Variants in ADAMTS15 observed in about 807,000 individuals in gnomAD.
ADAMTS15 encodes ADAM metallopeptidase with thrombospondin type 1 motif 15, also known as A disintegrin and metalloproteinase with thrombospondin motifs 15.
ADAMTS15 carries 35 observed loss-of-function variants against 79.1 expected under a neutral mutation model. The observed-to-expected ratio is 0.44, with a 90% CI of 0.34 to 0.59. The LOEUF (loss-of-function observed/expected upper bound fraction) is 0.59. ADAMTS15 is among the 20% of genes least tolerant of loss of function. ADAMTS15 has a pLI of 0.02. For missense variants in ADAMTS15, 1,324 were observed against 1,318.7 expected (o/e 1.00, Z -0.06); for synonymous variants, 616 against 567.3 (o/e 1.09, Z -1.22).
In ADAMTS15 at chr11:130,449,479, ACCCCAC is replaced by A; in HGVS notation, c.508_513del (p.Pro170_Thr171del). The A allele has an allele frequency of 1.3e-6, 2 of 1,561,362 alleles. No individual in the cohort carries two copies. Among genetic ancestry groups the A allele is most frequent in the Non-Finnish European group, 1.7e-6 (2 of 1,156,846 alleles). Reference sequence around the variant, plus strand: ...GGTGTTCCGGGCGGGCCTTCCGGAGACCCCACCTCTCGCTGCGGGGTGGCCTCGGGC... The same window carrying A: ...GGTGTTCCGGGCGGGCCTTCCGGAGACTCTCGCTGCGGGGTGGCCTCGGGC... On this transcript the variant is annotated inframe_deletion, in exon 1 of 8. Coordinates refer to ENST00000299164, the MANE Select transcript of ADAMTS15 (RefSeq NM_139055.4). The surrounding 1 kb of genome is among the most constrained non-coding windows in gnomAD (Gnocchi z 7.8).
intron 2 of ADAMTS15, 142 bp from the exon 3 acceptor site, chr11:130,461,945 A>G: frequency 9.9e-7 from 1 of 1,007,070 alleles, no homozygotes. Context: ...TCTTGAGGAC[A>G]TTTGAAAGCA....
Position 130,449,449 on chromosome 11 carries a change from G to C in ADAMTS15, c.476G>C (p.Arg159Pro). The change falls in exon 1 of 8, where the codon CGC (arginine) becomes CCC (proline). Residue 159 changes from arginine to proline, a missense_variant. By Grantham distance (103) the Arg-to-Pro change is moderately radical. Transcript: ENST00000299164. This position sits in a 1 kb window ranked among gnomAD's most constrained non-coding sequence, Gnocchi z 7.8. Reference protein sequence around the residue: ...RNSQGAHLLQRRGVPGGPSGD... With the variant: ...RNSQGAHLLQPRGVPGGPSGD... ...AGCCAGGGCGCACACCTTCTCCAGC[G>C]CCGGGGTGTTCCGGGCGGGCCTTCC... The C allele has an allele frequency of 6.3e-7, 1 of 1,583,644 alleles. No homozygotes were observed. The highest frequency in any genetic ancestry group is 8.6e-7 in the Non-Finnish European group (1 of 1,168,496).
In ADAMTS15 at chr11:130,473,234, C is replaced by T; in HGVS notation, c.2266C>T (p.Leu756=). ...GCGGGACCTGGTGGTGAAGGGCAGT[C>T]TGCTGCGGTACAGCGGCACGGGCAC... ...VERDLVVKGS[L]LRYSGTGTAV... Residue 756 remains leucine, a synonymous_variant, in exon 8 of 8, where the codon CTG becomes TTG. Coordinates refer to ENST00000299164, the MANE Select transcript of ADAMTS15 (RefSeq NM_139055.4). The T allele has an allele frequency of 1.2e-6, 2 of 1,613,758 alleles. No individual in the cohort carries two copies. The highest frequency in any genetic ancestry group is 2.7e-5 in the African/African-American group (2 of 75,080).
At chr11:130,450,118 C>A (rs937460740) in intron 1 of ADAMTS15, 188 bp downstream of exon 1, 1 of 985,352 alleles carries the variant, frequency 1.0e-6, no homozygotes, top group Admixed American at 6.1e-5. Flanking sequence ...CGGCGGCTCA[C>A]GTGCATCTGG....
chr11:130,452,705 G>A (rs1014131910), intron 1 of ADAMTS15, among the ~76,000 whole-genome samples: 18 of 152,196 alleles, frequency 1.2e-4, no homozygotes, highest in Admixed American at 3.3e-4. Context: ...GGCCTTGGCC[G>A]GGCGCAGTGG....
intron 4 of ADAMTS15, among the ~76,000 whole-genome samples, chr11:130,466,249 T>C (rs949343148): frequency 6.6e-6 from 1 of 152,178 alleles, no homozygotes; most frequent in African/African-American, 2.4e-5. Context: ...CTCAATCTCT[T>C]CGCTGATTCA....
chr11:130,459,889 T>G (rs1018286026), intron 1 of ADAMTS15, among the ~76,000 whole-genome samples: 3 of 152,258 alleles, frequency 2.0e-5, no homozygotes, highest in Non-Finnish European at 4.4e-5. Context: ...GCTGCCCACC[T>G]TCGCCCCTTG....
At chr11:130,450,384 G>C (rs1177509686) in intron 1 of ADAMTS15, 1 of 985,376 alleles carries the variant, frequency 1.0e-6, no homozygotes, top group Non-Finnish European at 1.2e-6. Context: ...AACTGAAGGT[G>C]ATCCAAGGTC....
intron 4 of ADAMTS15, among the ~76,000 whole-genome samples, chr11:130,466,949 T>G (rs1479501537): frequency 6.6e-6 from 1 of 151,948 alleles, no homozygotes; most frequent in African/African-American, 2.4e-5. Context: ...CCTTCCCAAC[T>G]CCTCCCTACC....
rs1299006047 is a variant in ADAMTS15 at position 130,449,633 on chromosome 11, G to A, written c.660G>A (p.Val220=). ...AKRFVSIPRY[V]ETLVVADESM... is the part of the protein sequence containing the mutation. Reference sequence around the variant, plus strand: ...GTTTCGTGTCTATCCCGCGGTACGTGGAGACGCTGGTGGTCGCGGACGAGT... The same window carrying A: ...GTTTCGTGTCTATCCCGCGGTACGTAGAGACGCTGGTGGTCGCGGACGAGT... Residue 220 remains valine, a synonymous_variant, in exon 1 of 8, where the codon GTG becomes GTA. Coordinates refer to ENST00000299164, the MANE Select transcript of ADAMTS15 (RefSeq NM_139055.4). The surrounding 1 kb of genome is among the most constrained non-coding windows in gnomAD (Gnocchi z 7.8). 1 of 1,602,894 alleles carries A rather than the reference G, an allele frequency of 6.2e-7. No homozygotes were observed. Among genetic ancestry groups the A allele is most frequent in the South Asian group, 1.1e-5 (1 of 89,492 alleles).
At chr11:130,450,394 C>G (rs1235934653) in intron 1 of ADAMTS15, 1 of 985,448 alleles carries the variant, frequency 1.0e-6, no homozygotes, top group Non-Finnish European at 1.2e-6. Flanking sequence ...GATCCAAGGT[C>G]AGCGCTTGCT....
intron 5 of ADAMTS15, 152 bp from the exon 6 acceptor site, chr11:130,470,768 G>T (rs1938432654): frequency 4.6e-6 from 4 of 866,814 alleles, no homozygotes; most frequent in Non-Finnish European, 7.2e-6. Context: ...GGCCCAGCCT[G>T]CTTTAGTGCT....
In ADAMTS15 at chr11:130,476,519, C is replaced by G. The variant is rs1205260811; in HGVS notation, c.*2698C>G. 2.6e-5 allele frequency: 4 copies of G among 152,434 alleles called. No homozygotes were observed. The highest frequency in any genetic ancestry group is 9.7e-5 in the African/African-American group (4 of 41,436). The allele number at this position is 152,434 out of a possible 1,614,324, so 9.4% of individuals were successfully genotyped here. A position where few individuals can be genotyped will look rare whatever the true frequency, so the allele number is the denominator to read the frequency against. ...CCGTTGTGTTTGGTTCTTTTGCACT[C>G]CATGTACTGCAGAAGGATGGAAGGA... On this transcript the variant is annotated 3_prime_UTR_variant, in exon 8 of 8. Transcript: ENST00000299164.
Position 130,471,031 on chromosome 11 carries a change from C to T in ADAMTS15, c.1832C>T (p.Ser611Phe). 6.2e-7 allele frequency: 1 copy of T among 1,613,852 alleles called. No homozygotes were observed. Among genetic ancestry groups the T allele is most frequent in the Non-Finnish European group, 8.5e-7 (1 of 1,180,038 alleles). Residue 611 changes from serine (S) to phenylalanine (F), a missense_variant, in exon 6 of 8, where the codon TCT (serine) becomes TTT (phenylalanine). Coordinates refer to ENST00000299164, the MANE Select transcript of ADAMTS15 (RefSeq NM_139055.4). ...TGGGTGCCCAAGTACTCCGGCGTGT[C>T]TCCCCGGGACAAGTGCAAGCTCATC... The part of the protein sequence containing the change: ...VAWVPKYSGV[S>F]PRDKCKLICR...
At position 130,462,028 on chromosome 11, in the gene ADAMTS15, T is replaced by G; in HGVS notation, c.1091-59T>G. The G allele has an allele frequency of 2.5e-5, 27 of 1,099,392 alleles. No individual in the cohort carries two copies. The highest frequency in any genetic ancestry group is 3.5e-5 in the Non-Finnish European group (26 of 742,620). 68.1% of individuals were successfully genotyped at this position (1,099,392 alleles called of 1,614,324 possible). On this transcript the variant is annotated intron_variant, in intron 2 of 7. Transcript: ENST00000299164. This position sits in a 1 kb window ranked among gnomAD's most constrained non-coding sequence, Gnocchi z 4.3. ...CTTTCTAGTTCCCCTGCCCCATTCCTCCCTCCAACCCCCATGTCCTTCCTC... is the reference window on the plus strand; with the variant it reads ...CTTTCTAGTTCCCCTGCCCCATTCCGCCCTCCAACCCCCATGTCCTTCCTC...
Position 130,473,034 on chromosome 11 carries a change from T to C in ADAMTS15, c.2079-13T>C. 6.2e-7 allele frequency: 1 copy of C among 1,611,826 alleles called. No individual in the cohort carries two copies. The highest frequency in any genetic ancestry group is 8.5e-7 in the Non-Finnish European group (1 of 1,178,432). Reference sequence around the variant, plus strand: ...GCTTCTATCTGATGCACGGCCCCCCTTTCCCCCGCCAGGCATGGCTACAAT... The same window carrying C: ...GCTTCTATCTGATGCACGGCCCCCCCTTCCCCCGCCAGGCATGGCTACAAT... On this transcript the variant is annotated splice_polypyrimidine_tract_variant and intron_variant, in intron 7 of 7. Coordinates refer to ENST00000299164, the MANE Select transcript of ADAMTS15 (RefSeq NM_139055.4).
chr11:130,456,168 A>G (rs544863964), intron 1 of ADAMTS15, among the ~76,000 whole-genome samples: 62 of 152,292 alleles, frequency 4.1e-4, no homozygotes, highest in African/African-American at 1.5e-3. Context: ...TGAGGATTAA[A>G]TGAATGAAGG....
chr11:130,470,463 C>T (rs1339707892), intron 5 of ADAMTS15, among the ~76,000 whole-genome samples: 5 of 151,554 alleles, frequency 3.3e-5, no homozygotes, highest in African/African-American at 7.3e-5. Flanking sequence ...GTGATCTGCC[C>T]GTCTCGGCCT....
chr11:130,467,196 TGAA>T (rs1487198696), intron 4 of ADAMTS15, among the ~76,000 whole-genome samples: 1 of 152,142 alleles, frequency 6.6e-6, no homozygotes, highest in African/African-American at 2.4e-5. Flanking sequence ...TGCTATGTGC[TGAA>T]GAAGAATTGG....
Sources: gnomAD v4.1 joint callset for allele counts (sites outside exome capture counted in the v4.1 genomes callset) on GRCh38, gnomAD v4.1.1 for gene constraint, Gnocchi (gnomAD v3.1) non-coding constraint, MANE v1.5 for transcripts, NCBI Gene and HGNC (gene_info 2026-07-23, HGNC 2026-07-21) for gene names.